Variants in CHN1 observed in about 807,000 individuals in gnomAD.
The protein encoded by CHN1 is chimerin 1.
In CHN1, 37 loss-of-function variants were observed where a neutral mutation model predicts 59.5. That is an observed-to-expected ratio of 0.62 (90% confidence interval 0.48 to 0.82). The LOEUF (loss-of-function observed/expected upper bound fraction) is 0.82. Ranked by LOEUF, CHN1 falls within the 40% of genes least tolerant of loss-of-function variation. The pLI is 0.00. For synonymous variants in CHN1, 206 were observed against 200.4 expected (o/e 1.03, Z -0.24); for missense variants, 469 against 571.0 (o/e 0.82, Z 1.82).
intron 6 of CHN1, among the ~76,000 whole-genome samples, chr2:174,850,066 G>A (rs9679653): frequency 0.016 from 2,385 of 152,276 alleles, 56 homozygotes; most frequent in African/African-American, 0.053. Flanking sequence ...GCATGTAGTA[G>A]GAAATGCAGA....
intron 7 of CHN1, among the ~76,000 whole-genome samples, chr2:174,844,604 C>A (rs1426985282): frequency 6.6e-6 from 1 of 152,164 alleles, no homozygotes; most frequent in East Asian, 1.9e-4. Flanking sequence ...AATTTCTGAA[C>A]TGTACATACA....
At chr2:174,819,665 TTTA>T (rs891877677) in intron 8 of CHN1, among the ~76,000 whole-genome samples, 7 of 151,866 alleles carry the variant, frequency 4.6e-5, no homozygotes, top group Non-Finnish European at 5.9e-5. Context: ...ACTTGATTTT[TTTA>T]TTATTATTAT....
At chr2:174,946,874 T>C (rs1345563059) in intron 2 of CHN1, among the ~76,000 whole-genome samples, 2 of 109,452 alleles carry the variant, frequency 1.8e-5, no homozygotes, top group African/African-American at 7.3e-5. Flanking sequence ...CCTGGCAACA[T>C]AGCGAGACCC....
At position 174,952,499 on chromosome 2, in the gene CHN1, A is replaced by G. The variant is rs189609640; in HGVS notation, c.20-297T>C. Reference sequence around the variant, plus strand: ...CTTACTATCACTGAAGTAATAGTCAATAAAGGCTTTGTTTCTTTGGGCTTA... The same window carrying G: ...CTTACTATCACTGAAGTAATAGTCAGTAAAGGCTTTGTTTCTTTGGGCTTA... On this transcript the variant is annotated intron_variant, in intron 1 of 12. Transcript: ENST00000409900. Among the ~76,000 whole-genome samples the G allele has an allele frequency of 3.1e-3, 478 of 152,334 alleles. 10 individuals are homozygous for G. The highest frequency in any genetic ancestry group is 1.1e-3 in the Non-Finnish European group (72 of 68,036).
chr2:174,854,899 T>C (rs1686849084), intron 6 of CHN1, among the ~76,000 whole-genome samples: 1 of 152,206 alleles, frequency 6.6e-6, no homozygotes, highest in Admixed American at 6.5e-5. Flanking sequence ...ACCAATAATT[T>C]AGGGACACAT....
chr2:174,895,867 TTCA>T (rs1194738914), intron 5 of CHN1, among the ~76,000 whole-genome samples: 1 of 152,134 alleles, frequency 6.6e-6, no homozygotes, highest in Non-Finnish European at 1.5e-5. Flanking sequence ...GAGTTGAAGG[TTCA>T]TCAGCAGTTT....
At chr2:174,889,053 AG>A (rs928179785) in intron 5 of CHN1, among the ~76,000 whole-genome samples, 10 of 152,320 alleles carry the variant, frequency 6.6e-5, no homozygotes, top group Admixed American at 4.6e-4. Context: ...CTGTAGACCA[AG>A]AACCTGCAAA....
intron 3 of CHN1, among the ~76,000 whole-genome samples, chr2:174,921,446 A>G (rs1689013680): frequency 6.6e-6 from 1 of 152,162 alleles, no homozygotes; most frequent in Non-Finnish European, 1.5e-5. Context: ...TCAACCGATT[A>G]TAACATCTGC....
chr2:174,943,948 T>C (rs1314531136), intron 3 of CHN1, among the ~76,000 whole-genome samples: 1 of 152,204 alleles, frequency 6.6e-6, no homozygotes, highest in Non-Finnish European at 1.5e-5. Context: ...TGAGCTGCTT[T>C]GCCTGACCAG....
At chr2:174,882,883 T>G (rs1558965782) in intron 5 of CHN1, among the ~76,000 whole-genome samples, 1 of 152,340 alleles carries the variant, frequency 6.6e-6, no homozygotes, top group East Asian at 1.9e-4. Flanking sequence ...AGATGAATTC[T>G]ATGAACTAAG....
At position 175,005,271 on chromosome 2, in the gene CHN1, G is replaced by A. The variant is rs1417729556; in HGVS notation, c.-359C>T. On this transcript the variant is annotated 5_prime_UTR_variant, in exon 1 of 13. Coordinates refer to ENST00000409900, the MANE Select transcript of CHN1 (RefSeq NM_001822.7). ...GAGAGGCGGCGCCGCACTGGCGGCG[G>A]CGGCGGCGGCGACGGGGAGAGCAGC... 3.4e-6 allele frequency: 4 copies of A among 1,161,792 alleles called. No individual in the cohort carries two copies. The highest frequency in any genetic ancestry group is 4.3e-6 in the Non-Finnish European group (4 of 937,806). 72.0% of individuals were successfully genotyped at this position (1,161,792 alleles called of 1,614,324 possible).
intron 10 of CHN1, among the ~76,000 whole-genome samples, chr2:174,810,402 A>G (rs1398718942): frequency 6.6e-6 from 1 of 152,148 alleles, no homozygotes; most frequent in Non-Finnish European, 1.5e-5. Context: ...TTCAGGTCAC[A>G]AAATGGTTGT....
chr2:174,844,154 CCTT>C (rs1214720007), intron 7 of CHN1, among the ~76,000 whole-genome samples: 2 of 151,614 alleles, frequency 1.3e-5, no homozygotes, highest in Non-Finnish European at 2.9e-5. Flanking sequence ...ATATAACTAT[CCTT>C]CTTGTGATAG....
At chr2:174,903,076 T>C (rs1320799945) in intron 5 of CHN1, among the ~76,000 whole-genome samples, 2 of 152,238 alleles carry the variant, frequency 1.3e-5, no homozygotes, top group African/African-American at 4.8e-5. Flanking sequence ...CCTTGCTTAA[T>C]AGAATTTTAT....
At chr2:174,931,640 A>C (rs570127933) in intron 3 of CHN1, among the ~76,000 whole-genome samples, 1 of 152,346 alleles carries the variant, frequency 6.6e-6, no homozygotes, top group East Asian at 1.9e-4. Context: ...AACAATAATA[A>C]ATAAGTGAAC....
chr2:174,870,955 A>C (rs1025846941), intron 6 of CHN1, among the ~76,000 whole-genome samples: 1 of 152,124 alleles, frequency 6.6e-6, no homozygotes, highest in Non-Finnish European at 1.5e-5. Flanking sequence ...GAACTGGGGA[A>C]CTGATGTTTA....
intron 7 of CHN1, among the ~76,000 whole-genome samples, chr2:174,827,156 CTA>C (rs988787562): frequency 1.2e-4 from 18 of 152,148 alleles, no homozygotes; most frequent in African/African-American, 4.3e-4. Context: ...CTCTATGACT[CTA>C]TGACACTTTA....
At chr2:174,977,034 T>C (rs2105445105) in intron 1 of CHN1, among the ~76,000 whole-genome samples, 1 of 152,348 alleles carries the variant, frequency 6.6e-6, no homozygotes, top group South Asian at 2.1e-4. Context: ...CTTCTGTCCT[T>C]AGACACATTG....
At chr2:174,866,566 T>C (rs1032560460) in intron 6 of CHN1, among the ~76,000 whole-genome samples, 1 of 152,174 alleles carries the variant, frequency 6.6e-6, no homozygotes, top group African/African-American at 2.4e-5. Context: ...GAATTCACTA[T>C]TCACATTGAA....
Sources: allele counts gnomAD v4.1 joint callset (sites outside exome capture counted in the v4.1 genomes callset), GRCh38; gene constraint gnomAD v4.1.1; transcripts MANE v1.5; gene names NCBI Gene and HGNC (gene_info 2026-07-23, HGNC 2026-07-21).